TXNDC9: variants seen among roughly 807,000 people sequenced by gnomAD.
The protein encoded by TXNDC9 is thioredoxin domain containing 9, also known as thioredoxin domain-containing protein 9.
A neutral mutation model predicts 23.0 loss-of-function variants in TXNDC9; 7 were observed. The ratio of observed to expected loss-of-function variants is 0.30; its 90% CI spans 0.17 to 0.57. The LOEUF is 0.57. Among genes scored for constraint, TXNDC9 ranks in the 20% least tolerant of loss-of-function variants. The pLI is 0.90. For synonymous variants in TXNDC9, 72 were observed against 90.6 expected, an observed-to-expected ratio of 0.79 and a Z score of 1.17; for missense variants, 198 against 252.6, an observed-to-expected ratio of 0.78 and a Z score of 1.47.
At chr2:99,325,012 G>A (rs1027579962) in intron 3 of TXNDC9, among the ~76,000 whole-genome samples, 4 of 152,208 alleles carry the variant, frequency 2.6e-5, no homozygotes, top group South Asian at 2.1e-4. Context: ...CCAAAGTACT[G>A]GGATTACAGG....
the TXNDC9 span, among the ~76,000 whole-genome samples, chr2:99,309,345 G>A: frequency 6.6e-6 from 1 of 151,960 alleles, no homozygotes; most frequent in Non-Finnish European, 1.5e-5. Context: ...CTTCACTCCA[G>A]TCTGGGTGAC....
chr2:99,317,686 G>A (rs892653851), downstream of TXNDC9, among the ~76,000 whole-genome samples: 2 of 150,580 alleles, frequency 1.3e-5, no homozygotes, highest in African/African-American at 4.9e-5. Context: ...CTATGTTGCC[G>A]AGGCTGGTCT....
chr2:99,320,314 C>T (rs1359911147), intron 4 of TXNDC9, among the ~76,000 whole-genome samples: 1 of 152,192 alleles, frequency 6.6e-6, no homozygotes, highest in Non-Finnish European at 1.5e-5. Context: ...GACCTATTTT[C>T]CTTTTTATCA....
intron 2 of TXNDC9, among the ~76,000 whole-genome samples, chr2:99,330,940 G>T (rs928202220): frequency 1.3e-5 from 2 of 152,108 alleles, no homozygotes; most frequent in South Asian, 4.1e-4. Flanking sequence ...TGAATTACTC[G>T]ATGACAAATT....
the TXNDC9 span, among the ~76,000 whole-genome samples, chr2:99,313,228 T>G: frequency 6.6e-6 from 1 of 152,124 alleles, no homozygotes; most frequent in South Asian, 2.1e-4. Flanking sequence ...AAGTCTTTTT[T>G]CTTCTTCTAT....
intron 1 of TXNDC9, 80 bp downstream of exon 1, chr2:99,336,159 C>T (rs1471693151): frequency 1.0e-6 from 1 of 973,452 alleles, no homozygotes; most frequent in African/African-American, 1.8e-5. Flanking sequence ...GCCCCTCCTC[C>T]GCTCCGGATG....
chr2:99,330,105 C>T (rs1306570219), intron 2 of TXNDC9, among the ~76,000 whole-genome samples: 1 of 151,852 alleles, frequency 6.6e-6, no homozygotes, highest in African/African-American at 2.4e-5. Flanking sequence ...GCCTGGCCAA[C>T]ATGGCGAAAC....
intron 3 of TXNDC9, among the ~76,000 whole-genome samples, chr2:99,324,238 G>A (rs1427911558): frequency 6.6e-6 from 1 of 152,156 alleles, no homozygotes; most frequent in Non-Finnish European, 1.5e-5. Flanking sequence ...AATAAAGCTT[G>A]AGAACTACCT....
rs1192127645 is a variant in TXNDC9 at position 99,318,999 on chromosome 2, C to T, written c.*683G>A. 1 of 152,214 alleles carries T rather than the reference C, an allele frequency of 6.6e-6. No individual in the cohort carries two copies. The highest frequency in any genetic ancestry group is 1.5e-5 in the Non-Finnish European group (1 of 68,026). The allele number at this position is 152,214 out of a possible 1,614,324, so 9.4% of individuals were successfully genotyped here. On this transcript the variant is annotated 3_prime_UTR_variant, in exon 5 of 5. Coordinates refer to ENST00000264255, the MANE Select transcript of TXNDC9 (RefSeq NM_005783.4). ...AAAAACTGTTTTTGTTGGATGTATG[C>T]TTTTATGACAATTTCCACATAAACT...
intron 2 of TXNDC9, among the ~76,000 whole-genome samples, chr2:99,328,749 C>T (rs1355464198): frequency 6.6e-6 from 1 of 151,208 alleles, no homozygotes; most frequent in Non-Finnish European, 1.5e-5. Flanking sequence ...GCTGAGGCGG[C>T]TGGATCACCT....
intron 2 of TXNDC9, among the ~76,000 whole-genome samples, chr2:99,331,813 T>C (rs1427365594): frequency 6.6e-6 from 1 of 152,110 alleles, no homozygotes; most frequent in Non-Finnish European, 1.5e-5. Flanking sequence ...CACGGCAACC[T>C]CCACCTCCCG....
At chr2:99,334,025 ATCTCAATTAG>A (rs771391169) in intron 1 of TXNDC9, among the ~76,000 whole-genome samples, 3 of 152,252 alleles carry the variant, frequency 2.0e-5, no homozygotes, top group Non-Finnish European at 4.4e-5. Flanking sequence ...AGGAAGACCT[ATCTCAATTAG>A]TCATGCATCA....
At chr2:99,316,464 G>T (rs560956960), downstream of TXNDC9, among the ~76,000 whole-genome samples, 1 of 152,148 alleles carries the variant, frequency 6.6e-6, no homozygotes, top group East Asian at 1.9e-4. Flanking sequence ...CCACAGCATT[G>T]GGCCAATGGG....
chr2:99,319,782 G>A lies in TXNDC9; in HGVS notation c.581C>T (p.Pro194Leu), dbSNP rs1332539775. 2.0e-5 allele frequency: 31 copies of A among 1,579,590 alleles called. No individual in the cohort carries two copies. Among genetic ancestry groups the A allele is most frequent in the Non-Finnish European group, 2.6e-5 (30 of 1,169,444 alleles). Residue 194 changes from proline (P) to leucine (L), a missense_variant, in exon 5 of 5, where the codon CCA (proline) becomes CTA (leucine). Pro to Leu is a moderately conservative substitution (Grantham distance 98). Transcript: ENST00000264255. ...AAATTTCTTTTGGTTCTGAAATGGT[G>A]GCTCCATTAAATTTCCACTTAAAAA... ...ILNYSGNLME[P>L]PFQNQKKFGT...
chr2:99,312,410 T>C, the TXNDC9 span, among the ~76,000 whole-genome samples: 1 of 151,608 alleles, frequency 6.6e-6, no homozygotes, highest in Non-Finnish European at 1.5e-5. Context: ...GGCAGGATAA[T>C]TGCTCGAACC....
intron 2 of TXNDC9, among the ~76,000 whole-genome samples, chr2:99,328,090 GTTAT>G (rs977598097): frequency 1.3e-4 from 20 of 151,196 alleles, no homozygotes; most frequent in African/African-American, 1.9e-4. Context: ...GCCCAAAAGT[GTTAT>G]TTATTTATTT....
downstream of TXNDC9, among the ~76,000 whole-genome samples, chr2:99,314,276 G>A (rs981148935): frequency 3.3e-5 from 5 of 151,780 alleles, no homozygotes; most frequent in Non-Finnish European, 4.4e-5. Context: ...TGCTTCTTTG[G>A]CCCTCCATAT....
At chr2:99,317,692 G>T (rs987478760), downstream of TXNDC9, among the ~76,000 whole-genome samples, 2 of 151,796 alleles carry the variant, frequency 1.3e-5, no homozygotes, top group African/African-American at 4.8e-5. Flanking sequence ...TGCCGAGGCT[G>T]GTCTTGTACT....
Position 99,327,509 on chromosome 2 carries a change from A to G in TXNDC9, c.308+26T>C, listed in dbSNP as rs766879581. 14 of 1,506,616 alleles carry G rather than the reference A, an allele frequency of 9.3e-6. No individual in the cohort carries two copies. In the South Asian group the frequency reaches 1.4e-4, roughly 15 times the overall value. 93.3% of individuals were successfully genotyped at this position (1,506,616 alleles called of 1,614,324 possible). A position where few individuals can be genotyped will look rare whatever the true frequency, so the allele number is the denominator to read the frequency against. On this transcript the variant is annotated intron_variant, in intron 3 of 4. Transcript: ENST00000264255. ...AACAATTCACTGTGTTTTTTTAGAA[A>G]AAGTCACAGATGGAAACAAAGTTAC... is the stretch of plus-strand genomic sequence containing the variant.
Sources: gnomAD v4.1 joint callset for allele counts (sites outside exome capture counted in the v4.1 genomes callset) on GRCh38, gnomAD v4.1.1 for gene constraint, MANE v1.5 for transcripts, NCBI Gene and HGNC (gene_info 2026-07-23, HGNC 2026-07-21) for gene names.